The following ANK2 variants were observed in gnomAD, a reference collection of about 807,000 sequenced individuals.
The protein encoded by ANK2 is ankyrin 2.
A neutral mutation model predicts 360.5 loss-of-function variants in ANK2; 83 were observed. That is an observed-to-expected ratio of 0.23 (90% CI 0.19 to 0.28). The LOEUF (loss-of-function observed/expected upper bound fraction) is 0.28, where lower values mean the gene tolerates loss of function less well. Among genes scored for constraint, ANK2 ranks in the 10% least tolerant of loss-of-function variants. The pLI is 1.00. For missense variants in ANK2, 4,201 were observed against 4,795.7 expected (o/e 0.88, Z 3.66); for synonymous variants, 1,740 against 1,759.5 (o/e 0.99, Z 0.28).
chr4:113,255,364 A>T (rs1157884958), intron 10 of ANK2, among the ~76,000 whole-genome samples: 1 of 152,208 alleles, frequency 6.6e-6, no homozygotes, highest in Non-Finnish European at 1.5e-5. Context: ...GCAGGCAGAG[A>T]GATTAAGTGA....
chr4:113,235,502 C>A (rs1299227902), intron 5 of ANK2, among the ~76,000 whole-genome samples: 10 of 152,306 alleles, frequency 6.6e-5, no homozygotes, highest in Non-Finnish European at 1.5e-4. Context: ...AAATTACCAT[C>A]GTCTCTAGAA....
chr4:112,755,460 T>A, the ANK2 span, among the ~76,000 whole-genome samples: 2 of 152,038 alleles, frequency 1.3e-5, no homozygotes, highest in Non-Finnish European at 2.9e-5. Context: ...CAAAGGGTGG[T>A]GGGATTATCA....
At chr4:113,225,368 A>G (rs982710437) in intron 4 of ANK2, among the ~76,000 whole-genome samples, 1 of 152,120 alleles carries the variant, frequency 6.6e-6, no homozygotes, top group African/African-American at 2.4e-5. Flanking sequence ...AGGACCCCCC[A>G]GTGCCTAGGA....
At chr4:113,021,483 A>T (rs1193730944) in intron 2 of ANK2, among the ~76,000 whole-genome samples, 1 of 144,476 alleles carries the variant, frequency 6.9e-6, no homozygotes, top group Non-Finnish European at 1.5e-5. Flanking sequence ...ATAAGTACGT[A>T]TGTGTATGTG....
intron 1 of ANK2, among the ~76,000 whole-genome samples, chr4:112,894,694 T>C (rs977610051): frequency 3.3e-5 from 5 of 152,206 alleles, no homozygotes; most frequent in African/African-American, 1.2e-4. Flanking sequence ...GTGTTATTTG[T>C]ATTGTCACTC....
the ANK2 span, among the ~76,000 whole-genome samples, chr4:112,719,927 G>A: frequency 6.6e-6 from 1 of 152,078 alleles, no homozygotes; most frequent in South Asian, 2.1e-4. Context: ...ATTTTAGGGA[G>A]TTATCAGAAG....
At chr4:113,076,550 C>T (rs760046451) in intron 1 of ANK2, among the ~76,000 whole-genome samples, 4 of 152,108 alleles carry the variant, frequency 2.6e-5, no homozygotes, top group Admixed American at 6.6e-5. Flanking sequence ...AATGCCAGCA[C>T]TTTGTGAGGC....
At chr4:112,885,796 CAAA>C (rs750277917) in intron 1 of ANK2, among the ~76,000 whole-genome samples, 120 of 26,956 alleles carry the variant, frequency 4.5e-3, no homozygotes, top group African/African-American at 0.01. Flanking sequence ...GACTCTGTCT[CAAA>C]AAAAAAAAAA....
chr4:113,106,869 C>G (rs1234088257), intron 1 of ANK2: 1 of 531,450 alleles, frequency 1.9e-6, no homozygotes, highest in East Asian at 5.5e-5. Context: ...TTAACTAAAA[C>G]TGGATCAATT....
intron 2 of ANK2, among the ~76,000 whole-genome samples, chr4:112,955,552 T>A (rs1296169384): frequency 6.6e-6 from 1 of 151,832 alleles, no homozygotes; most frequent in African/African-American, 2.4e-5. Context: ...TTTTTTTTTT[T>A]AAATGAATGT....
At chr4:112,714,777 C>T in the ANK2 span, among the ~76,000 whole-genome samples, 3 of 152,120 alleles carry the variant, frequency 2.0e-5, no homozygotes, top group Non-Finnish European at 2.9e-5. Flanking sequence ...GGTTTGGAGA[C>T]GTTTAGCATT....
intron 2 of ANK2, among the ~76,000 whole-genome samples, chr4:113,025,251 A>G: frequency 6.6e-6 from 1 of 152,162 alleles, no homozygotes; most frequent in East Asian, 1.9e-4. Flanking sequence ...ACAAGGTAAC[A>G]TGTACAAAAT....
intron 1 of ANK2, among the ~76,000 whole-genome samples, chr4:113,082,339 A>G (rs2082743447): frequency 6.6e-6 from 1 of 151,836 alleles, no homozygotes; most frequent in African/African-American, 2.4e-5. Context: ...GGGTCTCACT[A>G]TATTGCCCAG....
At chr4:112,779,666 T>A in the ANK2 span, among the ~76,000 whole-genome samples, 9 of 152,254 alleles carry the variant, frequency 5.9e-5, no homozygotes, top group Non-Finnish European at 1.0e-4. Context: ...TTTAGCACTT[T>A]CCTCAAAGTT....
intron 2 of ANK2, chr4:112,979,775 C>T (rs1433904185): frequency 6.6e-6 from 1 of 152,232 alleles, no homozygotes; most frequent in Non-Finnish European, 1.5e-5. Flanking sequence ...AGCTGATAGT[C>T]CTGACATCTG....
rs368062684 is a variant in ANK2 at position 113,109,380 on chromosome 4, G to A, written c.84+59568G>A. 6.2e-4 allele frequency among the ~76,000 whole-genome samples: 95 copies of A among 152,238 alleles called. 1 individual carries two copies. Among genetic ancestry groups the A allele is most frequent in the African/African-American group, 2.1e-3 (86 of 41,528 alleles). On this transcript the variant is annotated intron_variant, in intron 1 of 45. Coordinates refer to ENST00000357077, the MANE Select transcript of ANK2 (RefSeq NM_001148.6). ...TTTGTGGTCACAAGTGACTTGTGGA[G>A]CATTTTAAACCAAGTTCGAAGCTTG... is the stretch of plus-strand genomic sequence containing the variant.
At chr4:113,202,438 C>T (rs552230050) in intron 4 of ANK2, among the ~76,000 whole-genome samples, 1 of 152,258 alleles carries the variant, frequency 6.6e-6, no homozygotes, top group South Asian at 2.1e-4. Context: ...CCTGAATGTA[C>T]AACAAAATGT....
chr4:112,784,678 G>A, the ANK2 span, among the ~76,000 whole-genome samples: 1 of 152,010 alleles, frequency 6.6e-6, no homozygotes, highest in Non-Finnish European at 1.5e-5. Context: ...CAAGCAATCT[G>A]CCCACCTTAG....
At chr4:113,265,724 C>G (rs1219938847) in intron 14 of ANK2, among the ~76,000 whole-genome samples, 1 of 152,150 alleles carries the variant, frequency 6.6e-6, no homozygotes, top group Non-Finnish European at 1.5e-5. Context: ...TATCAATATA[C>G]TGTACCTTCT....
Sources: allele counts gnomAD v4.1 joint callset (sites outside exome capture counted in the v4.1 genomes callset), GRCh38; gene constraint gnomAD v4.1.1; transcripts MANE v1.5; gene names NCBI Gene and HGNC (gene_info 2026-07-23, HGNC 2026-07-21).